SUN2: variants seen among roughly 807,000 people sequenced by gnomAD.
SUN2 encodes the protein SUN domain-containing protein 2.
SUN2 carries 60 observed loss-of-function variants against 100.0 expected under a neutral mutation model. The observed-to-expected ratio is 0.60, with a 90% CI of 0.49 to 0.74. The LOEUF (loss-of-function observed/expected upper bound fraction) is 0.74. Among genes scored for constraint, SUN2 ranks in the 30% least tolerant of loss-of-function variants. The probability of loss-of-function intolerance (pLI) is 0.00; values close to 1 mark genes in which losing one functional copy is unlikely to be tolerated. For missense variants in SUN2, 834 were observed against 954.6 expected, an observed-to-expected ratio of 0.87 and a Z score of 1.66; for synonymous variants, 367 against 403.3, an observed-to-expected ratio of 0.91 and a Z score of 1.08.
chr22:38,741,041 C>T lies in SUN2; in HGVS notation c.1156G>A (p.Ala386Thr). 6.3e-7 allele frequency: 1 copy of T among 1,597,416 alleles called. No individual in the cohort carries two copies. The highest frequency in any genetic ancestry group is 1.1e-5 in the South Asian group (1 of 88,300). The change falls in exon 11 of 18, where the codon GCT (alanine) becomes ACT (threonine). Residue 386 changes from alanine (A) to threonine (T), a missense_variant. This residue lies in a region of SUN2 where 559 missense variants were observed against 597.7 expected (regional missense o/e 0.94). Transcript: ENST00000689035. ...TCTGACTTCAGCTGCTGGATGCGAGCCTCGGACTCCTGTGTAGGAAGAAGG... is the reference window on the plus strand; with the variant it reads ...TCTGACTTCAGCTGCTGGATGCGAGTCTCGGACTCCTGTGTAGGAAGAAGG... ...KIVRASQESEARIQQLKSEWQ... is the reference protein window; with the variant it reads ...KIVRASQESETRIQQLKSEWQ...
chr22:38,743,908 C>G (rs138711), intron 8 of SUN2: 1 of 151,914 alleles, frequency 6.6e-6, no homozygotes, highest in African/African-American at 2.4e-5. Context: ...ATTGGAAAGA[C>G]CATGGTCTGG....
intron 1 of SUN2, among the ~76,000 whole-genome samples, chr22:38,753,690 C>T (rs2092965313): frequency 6.6e-6 from 1 of 152,096 alleles, no homozygotes; most frequent in African/African-American, 2.4e-5. Context: ...GGACCGGGCT[C>T]CTTGTATACC....
At chr22:38,747,848 TG>T (rs1299637495) in intron 7 of SUN2, among the ~76,000 whole-genome samples, 6 of 148,498 alleles carry the variant, frequency 4.0e-5, no homozygotes, top group African/African-American at 1.5e-4. Flanking sequence ...GAGGCTGACG[TG>T]GGAGGATCAC....
Position 38,740,505 on chromosome 22 carries a change from G to A in SUN2, c.1191-73C>T. On this transcript the variant is annotated intron_variant, in intron 11 of 17. Coordinates refer to ENST00000689035, the MANE Select transcript of SUN2 (RefSeq NM_015374.3). The surrounding 1 kb of genome is among the most constrained non-coding windows in gnomAD (Gnocchi z 4.8). ...GTAAGGCCACACCAAAGATGAAAGA[G>A]GACCCCCTAGTGGGCTCCCGTCAGG... is the stretch of plus-strand genomic sequence containing the variant. 1 of 1,393,028 alleles carries A rather than the reference G, an allele frequency of 7.2e-7. No homozygotes were observed. Among genetic ancestry groups the A allele is most frequent in the Non-Finnish European group, 9.4e-7 (1 of 1,064,210 alleles). The allele number at this position is 1,393,028 out of a possible 1,614,324, so 86.3% of individuals were successfully genotyped here.
chr22:38,754,249 C>T (rs752810709), intron 1 of SUN2, among the ~76,000 whole-genome samples: 1 of 152,188 alleles, frequency 6.6e-6, no homozygotes, highest in Non-Finnish European at 1.5e-5. Context: ...CTCTGCTGGC[C>T]CGTACAACAA....
intron 7 of SUN2, among the ~76,000 whole-genome samples, 160 bp downstream of exon 7, chr22:38,748,553 G>A (rs1230493888): frequency 2.6e-5 from 4 of 152,190 alleles, no homozygotes; most frequent in Non-Finnish European, 5.9e-5. Flanking sequence ...CAGGAGAGGT[G>A]GGGAGGGCCA....
Position 38,742,326 on chromosome 22 carries a change from C to A in SUN2, c.1043G>T (p.Arg348Leu). The A allele has an allele frequency of 6.2e-7, 1 of 1,605,754 alleles. No individual in the cohort carries two copies. ...RREAALKEDFRRETAARIQEE... is the reference protein window; with the variant it reads ...RREAALKEDFLRETAARIQEE... ...CTGGATGCGAGCAGCAGTTTCCCTGCGGAAATCCTCCTTCAGGGCAGCTTC... is the reference window on the plus strand; with the variant it reads ...CTGGATGCGAGCAGCAGTTTCCCTGAGGAAATCCTCCTTCAGGGCAGCTTC... Residue 348 changes from arginine (R) to leucine (L), a missense_variant, in exon 9 of 18, where the codon CGC becomes CTC. Around this residue, in one of 3 missense-constraint regions of SUN2, gnomAD observed 559 missense variants for 597.7 expected, o/e 0.94. Coordinates refer to ENST00000689035, the MANE Select transcript of SUN2 (RefSeq NM_015374.3).
At position 38,741,034 on chromosome 22, in the gene SUN2, A is replaced by C. The variant is rs1411604850; in HGVS notation, c.1163T>G (p.Ile388Ser). The C allele has an allele frequency of 2.5e-6, 4 of 1,598,404 alleles. No homozygotes were observed. In the East Asian group the frequency reaches 9.0e-5, roughly 36 times the overall value. The change falls in exon 11 of 18, where the codon ATC (isoleucine) becomes AGC (serine). Residue 388 changes from isoleucine to serine, a missense_variant. Ile to Ser is a moderately radical substitution (Grantham distance 142, BLOSUM62 -2). Transcript: ENST00000689035. ...TTGCCACTCTGACTTCAGCTGCTGG[A>C]TGCGAGCCTCGGACTCCTGTGTAGG... ...VRASQESEAR[I>S]QQLKSEWQSM...
At chr22:38,743,332 A>C (rs918167584) in intron 8 of SUN2, among the ~76,000 whole-genome samples, 2 of 152,252 alleles carry the variant, frequency 1.3e-5, no homozygotes, top group African/African-American at 4.8e-5. Context: ...CACGCCTGTA[A>C]TCCCAACACT....
Position 38,738,819 on chromosome 22 carries a change from G to A in SUN2, c.1779+54C>T. On this transcript the variant is annotated intron_variant, in intron 15 of 17. Transcript: ENST00000689035. The surrounding 1 kb of genome is among the most constrained non-coding windows in gnomAD (Gnocchi z 6.6). Reference sequence around the variant, plus strand: ...TCCAGCTCTTGCTGACCCCAGATGGGACCAGCCCTCAGTGTGCTCAGAGCC... The same window carrying A: ...TCCAGCTCTTGCTGACCCCAGATGGAACCAGCCCTCAGTGTGCTCAGAGCC... 4.4e-6 allele frequency: 7 copies of A among 1,597,904 alleles called. No homozygotes were observed. Among genetic ancestry groups the A allele is most frequent in the Non-Finnish European group, 6.0e-6 (7 of 1,169,526 alleles).
Position 38,736,290 on chromosome 22 carries a change from C to G in SUN2, c.2131G>C (p.Val711Leu), listed in dbSNP as rs1157995618. The change falls in exon 18 of 18, where the codon GTG (valine) becomes CTG (leucine). Residue 711 changes from valine (V) to leucine (L), a missense_variant. By Grantham distance (32) the Val-to-Leu change is conservative (BLOSUM62 1). Transcript: ENST00000689035. ...PEYTCIYRFR[V>L]HGEPAH Reference sequence around the variant, plus strand: ...GGCTAGTGGGCGGGCTCCCCATGCACTCTGAAGCGGTAGATGCAGGTGTAC... The same window carrying G: ...GGCTAGTGGGCGGGCTCCCCATGCAGTCTGAAGCGGTAGATGCAGGTGTAC... The G allele has an allele frequency of 5.6e-6, 9 of 1,613,798 alleles. No homozygotes were observed. Among genetic ancestry groups the G allele is most frequent in the South Asian group, 2.2e-5 (2 of 91,074 alleles).
At chr22:38,736,626 CG>C (rs1569292876) in intron 17 of SUN2, 3 of 354,790 alleles carry the variant, frequency 8.5e-6, no homozygotes, top group African/African-American at 4.2e-5. Context: ...CATCCACAAT[CG>C]TTTTTTTATT....
chr22:38,742,928 A>G (rs1247855739), intron 8 of SUN2: 1 of 182,084 alleles, frequency 5.5e-6, no homozygotes, highest in African/African-American at 2.4e-5. Context: ...CCTGAAGCTC[A>G]CTCCTTCCCC....
Position 38,739,651 on chromosome 22 carries a change from G to T in SUN2, c.1578+71C>A. The T allele has an allele frequency of 6.5e-7, 1 of 1,542,520 alleles. No homozygotes were observed. Among genetic ancestry groups the T allele is most frequent in the Admixed American group, 1.7e-5 (1 of 57,678 alleles). The stretch of plus-strand genomic sequence containing the variant: ...TGGAACCTGCCAGGGAGCTGGCAGT[G>T]TGGGACTGTCCAGGGCTCCCAGGGA... On this transcript the variant is annotated intron_variant, in intron 13 of 17. Transcript: ENST00000689035. This position sits in a 1 kb window ranked among gnomAD's most constrained non-coding sequence, Gnocchi z 6.7.
chr22:38,735,123 C>G lies in SUN2; in HGVS notation c.*1144G>C. On this transcript the variant is annotated 3_prime_UTR_variant, in exon 18 of 18. Coordinates refer to ENST00000689035, the MANE Select transcript of SUN2 (RefSeq NM_015374.3). ...GACCTTGAAAAATATATACATAATA[C>G]AGTGGGGCCTGCTGGCTCTAAAAGT... is the stretch of plus-strand genomic sequence containing the variant. The G allele has an allele frequency of 7.4e-6, 3 of 402,850 alleles. No individual in the cohort carries two copies. Among genetic ancestry groups the G allele is most frequent in the South Asian group, 5.4e-5 (3 of 55,584 alleles). 25.0% of individuals were successfully genotyped at this position (402,850 alleles called of 1,614,324 possible). A position where few individuals can be genotyped will look rare whatever the true frequency, so the allele number is the denominator to read the frequency against.
intron 1 of SUN2, chr22:38,754,493 TG>T: frequency 1.7e-6 from 1 of 584,158 alleles, no homozygotes; most frequent in Non-Finnish European, 2.7e-6. Context: ...GACGCCCATC[TG>T]GCATCCCCTC....
chr22:38,738,116 C>T lies in SUN2; in HGVS notation c.2040+57G>A, dbSNP rs753770163. 1.3e-6 allele frequency: 2 copies of T among 1,499,304 alleles called. No individual in the cohort carries two copies. The highest frequency in any genetic ancestry group is 1.9e-6 in the Non-Finnish European group (2 of 1,075,530). 92.9% of individuals were successfully genotyped at this position (1,499,304 alleles called of 1,614,324 possible). ...TGGCAGGGTAAGTGCCCAGGGAGCACCTGCTGCCTGGATGGGGAGTCTGCG... is the reference window on the plus strand; with the variant it reads ...TGGCAGGGTAAGTGCCCAGGGAGCATCTGCTGCCTGGATGGGGAGTCTGCG... On this transcript the variant is annotated intron_variant, in intron 17 of 17. Coordinates refer to ENST00000689035, the MANE Select transcript of SUN2 (RefSeq NM_015374.3). The surrounding 1 kb of genome is among the most constrained non-coding windows in gnomAD (Gnocchi z 6.6).
Position 38,742,435 on chromosome 22 carries a change from G to GC in SUN2, c.933dup (p.Gln312AlafsTer29). The GC allele has an allele frequency of 6.2e-7, 1 of 1,613,564 alleles. No homozygotes were observed. The highest frequency in any genetic ancestry group is 8.5e-7 in the Non-Finnish European group (1 of 1,180,014). The stretch of plus-strand genomic sequence containing the variant: ...CCACCTCCCTGGCCAGGAGCCCCTT[G>GC]CCGCAGCTCCAGACGTTCCAGCCGC... On this transcript the variant is annotated frameshift_variant, in exon 9 of 18. Coordinates refer to ENST00000689035, the MANE Select transcript of SUN2 (RefSeq NM_015374.3). LOFTEE classifies it high-confidence loss of function.
chr22:38,754,998 T>C lies in SUN2; in HGVS notation c.-38+765A>G, dbSNP rs560454523. ...TGAAATCTACTACTGCGAATCATAA[T>C]AGACACCACCCCCGCCCCACCTCCT... On this transcript the variant is annotated intron_variant, in intron 1 of 17. Coordinates refer to ENST00000689035, the MANE Select transcript of SUN2 (RefSeq NM_015374.3). The C allele has an allele frequency of 5.5e-6, 7 of 1,279,804 alleles. No individual in the cohort carries two copies. The East Asian group carries it at 3.3e-4, about 61-fold the overall frequency. The allele number at this position is 1,279,804 out of a possible 1,614,324, so 79.3% of individuals were successfully genotyped here. A position where few individuals can be genotyped will look rare whatever the true frequency, so the allele number is the denominator to read the frequency against.
Sources: allele counts gnomAD v4.1 joint callset (sites outside exome capture counted in the v4.1 genomes callset), GRCh38; gene constraint gnomAD v4.1.1; regional missense constraint gnomAD v4.1.1; non-coding constraint Gnocchi (gnomAD v3.1); transcripts MANE v1.5; gene names NCBI Gene and HGNC (gene_info 2026-07-23, HGNC 2026-07-21).